Variants in CHRM3 observed in about 807,000 individuals in gnomAD.
The protein encoded by CHRM3 is muscarinic acetylcholine receptor M3.
A neutral mutation model predicts 41.8 loss-of-function variants in CHRM3; 11 were observed. That is an observed-to-expected ratio of 0.26 (90% CI 0.17 to 0.44). CHRM3 has a LOEUF of 0.44. Among genes scored for constraint, CHRM3 ranks in the 20% least tolerant of loss-of-function variants. The pLI is 1.00. For missense variants in CHRM3, 571 were observed against 745.4 expected, an observed-to-expected ratio of 0.77 and a Z score of 2.72; for synonymous variants, 297 against 301.4, an observed-to-expected ratio of 0.99 and a Z score of 0.15.
At chr1:239,618,136 G>A (rs189807829) in intron 3 of CHRM3, among the ~76,000 whole-genome samples, 38 of 151,838 alleles carry the variant, frequency 2.5e-4, no homozygotes, top group Middle Eastern at 3.4e-3. Flanking sequence ...GACTTATTAC[G>A]TATTTTCCCT....
intron 3 of CHRM3, among the ~76,000 whole-genome samples, chr1:239,588,630 A>T (rs1663691736): frequency 6.6e-6 from 1 of 152,166 alleles, no homozygotes; most frequent in African/African-American, 2.4e-5. Flanking sequence ...CATATTTTTA[A>T]CTGTCTTATG....
At chr1:239,664,616 C>G (rs1326536145) in intron 4 of CHRM3, among the ~76,000 whole-genome samples, 1 of 152,246 alleles carries the variant, frequency 6.6e-6, no homozygotes, top group East Asian at 1.9e-4. Flanking sequence ...CTGTGAGTCC[C>G]CTGCGGCCAT....
intron 5 of CHRM3, among the ~76,000 whole-genome samples, chr1:239,716,401 G>A (rs1223685633): frequency 1.3e-5 from 2 of 152,060 alleles, no homozygotes; most frequent in Non-Finnish European, 2.9e-5. Context: ...GGTTCAAAAA[G>A]ACTATTGTAG....
chr1:239,410,762 C>T (rs538432430), intron 1 of CHRM3, among the ~76,000 whole-genome samples: 151 of 152,306 alleles, frequency 9.9e-4, no homozygotes, highest in Admixed American at 1.6e-3. Flanking sequence ...TTGACTCATC[C>T]GCTTTCTCTA....
At chr1:239,829,269 C>T (rs954584957) in intron 6 of CHRM3, among the ~76,000 whole-genome samples, 5 of 152,138 alleles carry the variant, frequency 3.3e-5, no homozygotes, top group East Asian at 1.9e-4. Context: ...TAAGAAAAAC[C>T]GCTAGCTTTG....
chr1:239,804,838 C>G (rs1670506734), intron 5 of CHRM3, among the ~76,000 whole-genome samples: 1 of 152,200 alleles, frequency 6.6e-6, no homozygotes, highest in Non-Finnish European at 1.5e-5. Flanking sequence ...ATATTTTCCC[C>G]TTAATCTGTC....
intron 5 of CHRM3, among the ~76,000 whole-genome samples, chr1:239,683,596 C>A (rs6677527): frequency 6.6e-6 from 1 of 152,100 alleles, no homozygotes; most frequent in East Asian, 1.9e-4. Flanking sequence ...GATTCCTAAT[C>A]GAGGCCTCTT....
chr1:239,876,072 C>A (rs548315227), intron 6 of CHRM3, among the ~76,000 whole-genome samples: 1 of 152,168 alleles, frequency 6.6e-6, no homozygotes, highest in Non-Finnish European at 1.5e-5. Context: ...TGCTAAAGAA[C>A]TCACTTTTGT....
chr1:239,882,562 G>A (rs1220971366), intron 6 of CHRM3, among the ~76,000 whole-genome samples: 4 of 152,160 alleles, frequency 2.6e-5, no homozygotes, highest in Non-Finnish European at 5.9e-5. Context: ...GAGAGATGCA[G>A]GAAGTTGCCT....
chr1:239,639,386 C>A (rs925472418), intron 4 of CHRM3, among the ~76,000 whole-genome samples: 1 of 152,176 alleles, frequency 6.6e-6, no homozygotes, highest in Non-Finnish European at 1.5e-5. Flanking sequence ...TTGATTCTTC[C>A]TACCCATGAG....
At chr1:239,720,915 G>A (rs1662906347) in intron 5 of CHRM3, among the ~76,000 whole-genome samples, 2 of 151,852 alleles carry the variant, frequency 1.3e-5, no homozygotes, top group East Asian at 3.9e-4. Context: ...TTGTTGAGAG[G>A]CAAGATGCAT....
chr1:239,404,359 A>G (rs1261059153), intron 1 of CHRM3, among the ~76,000 whole-genome samples: 5 of 41,754 alleles, frequency 1.2e-4, no homozygotes, highest in Non-Finnish European at 1.9e-4. Context: ...AGAGAAAGAA[A>G]GAAAGAAAGA....
chr1:239,832,411 A>G (rs934697050), intron 6 of CHRM3, among the ~76,000 whole-genome samples: 4 of 152,132 alleles, frequency 2.6e-5, no homozygotes, highest in Non-Finnish European at 5.9e-5. Flanking sequence ...ATTCGTCTTC[A>G]TTCTTAGAAA....
intron 3 of CHRM3, among the ~76,000 whole-genome samples, chr1:239,615,495 C>A (rs1572938329): frequency 6.6e-6 from 1 of 152,116 alleles, no homozygotes; most frequent in Admixed American, 6.6e-5. Flanking sequence ...TTTAGGAAGA[C>A]CAGGCAGTAG....
chr1:239,502,546 A>G (rs575854235), intron 2 of CHRM3, among the ~76,000 whole-genome samples: 2 of 152,296 alleles, frequency 1.3e-5, no homozygotes, highest in African/African-American at 4.8e-5. Context: ...ACTATTCCAC[A>G]AGGCAGAGAA....
At chr1:239,591,810 A>C (rs1452817376) in intron 3 of CHRM3, among the ~76,000 whole-genome samples, 1 of 152,198 alleles carries the variant, frequency 6.6e-6, no homozygotes, top group Non-Finnish European at 1.5e-5. Flanking sequence ...GCCTGCTACA[A>C]ATTTTATGTC....
intron 5 of CHRM3, among the ~76,000 whole-genome samples, chr1:239,696,264 A>C (rs1660179013): frequency 1.3e-5 from 2 of 152,172 alleles, no homozygotes; most frequent in African/African-American, 2.4e-5. Flanking sequence ...TTGCCAAGAA[A>C]TCTTATATCA....
At chr1:239,771,343 T>C (rs1667652446) in intron 5 of CHRM3, among the ~76,000 whole-genome samples, 1 of 152,062 alleles carries the variant, frequency 6.6e-6, no homozygotes, top group South Asian at 2.1e-4. Context: ...TGGAATAGCC[T>C]CCTAATTGAT....
At chr1:239,417,501 T>C (rs1661583475) in intron 1 of CHRM3, among the ~76,000 whole-genome samples, 2 of 152,162 alleles carry the variant, frequency 1.3e-5, no homozygotes, top group Non-Finnish European at 1.5e-5. Context: ...TGGTGAAATG[T>C]TTATTTTCCT....
Sources: allele counts gnomAD v4.1 joint callset (sites outside exome capture counted in the v4.1 genomes callset), GRCh38; gene constraint gnomAD v4.1.1; transcripts MANE v1.5; gene names NCBI Gene and HGNC (gene_info 2026-07-23, HGNC 2026-07-21).